The following AFF4 variants were observed in gnomAD, a reference collection of about 807,000 sequenced individuals.
AFF4 encodes AF4/FMR2 family member 4.
AFF4 carries 13 observed loss-of-function variants against 124.8 expected under a neutral mutation model. That is an observed-to-expected ratio of 0.10 (90% CI 0.07 to 0.17). AFF4 has a LOEUF of 0.17. Among genes scored for constraint, AFF4 ranks in the 10% least tolerant of loss-of-function variants. AFF4 has a pLI of 1.00. For synonymous variants in AFF4, 477 were observed against 496.1 expected (o/e 0.96, Z 0.51); for missense variants, 1,092 against 1,403.8 (o/e 0.78, Z 3.55).
chr5:132,886,492 G>A (rs971412608), intron 17 of AFF4, 89 bp from the exon 18 acceptor site: 21 of 1,180,392 alleles, frequency 1.8e-5, no homozygotes, highest in Non-Finnish European at 2.6e-5. Context: ...GCAGGAGACT[G>A]GCTCATGTGA....
chr5:132,947,129 C>T lies in AFF4; in HGVS notation c.-4-9936G>A, dbSNP rs535691151. ...TTTTAAAAAATTTAAAACAACCGAG[C>T]GTTGTGGCTGGCATCTGTAATCCCA... On this transcript the variant is annotated intron_variant, in intron 1 of 20. Coordinates refer to ENST00000265343, the MANE Select transcript of AFF4 (RefSeq NM_014423.4). Among the ~76,000 whole-genome samples the T allele has an allele frequency of 4.8e-4, 73 of 152,132 alleles. 1 individual carries two copies. The highest frequency in any genetic ancestry group is 2.2e-4 in the Non-Finnish European group (15 of 68,032).
chr5:132,925,208 A>G (rs970103927), intron 5 of AFF4, among the ~76,000 whole-genome samples: 1 of 151,614 alleles, frequency 6.6e-6, no homozygotes, highest in African/African-American at 2.4e-5. Context: ...TAAATAAATA[A>G]ATACCGGTGC....
At chr5:132,946,047 C>A (rs1438297054) in intron 1 of AFF4, among the ~76,000 whole-genome samples, 1 of 152,020 alleles carries the variant, frequency 6.6e-6, no homozygotes, top group African/African-American at 2.4e-5. Flanking sequence ...GCAACAAGAG[C>A]AAAACTCTGT....
chr5:132,896,405 T>C lies in AFF4; in HGVS notation c.2225A>G (p.Lys742Arg), dbSNP rs1760398045. The change falls in exon 11 of 21, where the codon AAA (lysine) becomes AGA (arginine). Residue 742 changes from lysine to arginine, a missense_variant. Lys to Arg is a conservative substitution (Grantham distance 26). Coordinates refer to ENST00000265343, the MANE Select transcript of AFF4 (RefSeq NM_014423.4). ...KETEPPKGEK[K>R]NVPEKHTREA... is the part of the protein sequence containing the mutation. ...TCTCGTGTGCTTTTCTGGCACATTT[T>C]TCTTTTCCCCCTTGGGCGGCTCTGT... The C allele has an allele frequency of 1.2e-6, 2 of 1,613,862 alleles. No homozygotes were observed. The highest frequency in any genetic ancestry group is 1.7e-6 in the Non-Finnish European group (2 of 1,180,008).
In AFF4 at chr5:132,896,615, T is replaced by C. The variant is rs959176441; in HGVS notation, c.2015A>G (p.Asn672Ser). Residue 672 changes from asparagine (N) to serine (S), a missense_variant, in exon 11 of 21, where the codon AAT becomes AGT. Physicochemically the swap from Asn to Ser is conservative, Grantham distance 46. Coordinates refer to ENST00000265343, the MANE Select transcript of AFF4 (RefSeq NM_014423.4). ...SSQTPKYPESNRTPVKPSSVE... is the reference protein window; with the variant it reads ...SSQTPKYPESSRTPVKPSSVE... ...TGAGGAGGGTTTAACAGGAGTCCTA[T>C]TGCTCTCGGGGTACTTAGGAGTTTG... is the stretch of plus-strand genomic sequence containing the variant. The C allele has an allele frequency of 2.5e-6, 4 of 1,614,026 alleles. No homozygotes were observed. In the African/African-American group the frequency reaches 5.3e-5, roughly 22 times the overall value.
At chr5:132,926,958 T>C in intron 5 of AFF4, 163 bp downstream of exon 5, 1 of 584,444 alleles carries the variant, frequency 1.7e-6, no homozygotes, top group African/African-American at 1.9e-5. Context: ...CTGCTAATTA[T>C]CTTCATAACA....
intron 5 of AFF4, among the ~76,000 whole-genome samples, chr5:132,913,882 G>T (rs1393894639): frequency 6.6e-6 from 1 of 152,122 alleles, no homozygotes; most frequent in African/African-American, 2.4e-5. Flanking sequence ...CAGAAAATAT[G>T]CAGAAAATCT....
In AFF4 at chr5:132,878,313, C is replaced by CATACAA. The variant is rs2150059194; in HGVS notation, c.*2740_*2745dup. The CATACAA allele has an allele frequency of 4.3e-6, 1 of 230,530 alleles. No individual in the cohort carries two copies. The highest frequency in any genetic ancestry group is 1.8e-4 in the South Asian group (1 of 5,504). 14.3% of individuals were successfully genotyped at this position (230,530 alleles called of 1,614,324 possible). On this transcript the variant is annotated 3_prime_UTR_variant, in exon 21 of 21. Transcript: ENST00000265343. ...TGGTGTATAGGCTGCTGCCTCCTGGCATACAAGTGTAGTCATAAAGAGCAG... is the reference window on the plus strand; with the variant it reads ...TGGTGTATAGGCTGCTGCCTCCTGGCATACAAATACAAGTGTAGTCATAAAGAGCAG...
rs1052817563 is a variant in AFF4, at chr5:132,877,439, T to C, written c.*3620A>G. On this transcript the variant is annotated 3_prime_UTR_variant, in exon 21 of 21. Coordinates refer to ENST00000265343, the MANE Select transcript of AFF4 (RefSeq NM_014423.4). ...AACAAGAAAGTGTCTTAGATCAATT[T>C]AATAAATAATGTGGAAATAGTTGCA... 4.2e-5 allele frequency: 9 copies of C among 215,866 alleles called. No homozygotes were observed. Among genetic ancestry groups the C allele is most frequent in the Non-Finnish European group, 8.4e-5 (9 of 107,036 alleles). 13.4% of individuals were successfully genotyped at this position (215,866 alleles called of 1,614,324 possible).
intron 5 of AFF4, among the ~76,000 whole-genome samples, chr5:132,921,213 AC>A (rs1761036428): frequency 6.6e-6 from 1 of 152,034 alleles, no homozygotes; most frequent in African/African-American, 2.4e-5. Flanking sequence ...ATATTCAGAC[AC>A]TGCACCAAAG....
chr5:132,897,299 C>T, intron 10 of AFF4, 59 bp from the exon 11 acceptor site: 1 of 1,542,460 alleles, frequency 6.5e-7, no homozygotes, highest in Non-Finnish European at 8.8e-7. Context: ...TTCGTTCTCC[C>T]TCCTTTACAA....
chr5:132,940,974 C>G (rs1032259126), intron 1 of AFF4, among the ~76,000 whole-genome samples: 1 of 151,472 alleles, frequency 6.6e-6, no homozygotes, highest in African/African-American at 2.4e-5. Context: ...TTGCAGTGAG[C>G]TGAGATTGCA....
Position 132,921,803 on chromosome 5 carries a change from G to C in AFF4, c.1050+5318C>G, listed in dbSNP as rs887353838. On this transcript the variant is annotated intron_variant, in intron 5 of 20. Transcript: ENST00000265343. ...TCTAATTTTTTCTTTCCCCCCCAGA[G>C]AGAGTCAGTCTCTGTGACCCAGGCT... is the stretch of plus-strand genomic sequence containing the variant. 2.0e-5 allele frequency among the ~76,000 whole-genome samples: 3 copies of C among 151,884 alleles called. No individual in the cohort carries two copies. In the East Asian group the frequency reaches 5.8e-4, roughly 29 times the overall value.
intron 1 of AFF4, 66 bp downstream of exon 1, chr5:132,963,193 A>C: frequency 5.2e-6 from 2 of 384,648 alleles, no homozygotes; most frequent in Non-Finnish European, 4.6e-6. Context: ...CCCCACCCCC[A>C]CCCGGCCCCG....
At chr5:132,952,488 C>T (rs900297008) in intron 1 of AFF4, among the ~76,000 whole-genome samples, 3 of 152,244 alleles carry the variant, frequency 2.0e-5, no homozygotes, top group Non-Finnish European at 4.4e-5. Flanking sequence ...GTTCCTCTGG[C>T]TCTTCCCATC....
chr5:132,903,975 A>G (rs535451834), intron 6 of AFF4: 3 of 162,148 alleles, frequency 1.9e-5, no homozygotes, highest in African/African-American at 7.2e-5. Flanking sequence ...AAATTAGGAT[A>G]CGAGGGCATG....
At chr5:132,945,859 G>C (rs1198595763) in intron 1 of AFF4, among the ~76,000 whole-genome samples, 1 of 152,090 alleles carries the variant, frequency 6.6e-6, no homozygotes, top group Non-Finnish European at 1.5e-5. Flanking sequence ...TCAGGAGTTT[G>C]AGACTAGCCT....
intron 6 of AFF4, 126 bp from the exon 7 acceptor site, chr5:132,902,613 G>C: frequency 1.3e-6 from 1 of 740,968 alleles, no homozygotes; most frequent in South Asian, 1.6e-5. Flanking sequence ...CACCAAACTG[G>C]TAACACCTTC....
At chr5:132,889,855 A>T (rs1760210475) in intron 13 of AFF4, among the ~76,000 whole-genome samples, 1 of 151,982 alleles carries the variant, frequency 6.6e-6, no homozygotes. Flanking sequence ...GGTTGATCTT[A>T]AACTCCTAGG....
Sources: allele counts gnomAD v4.1 joint callset (sites outside exome capture counted in the v4.1 genomes callset), GRCh38; gene constraint gnomAD v4.1.1; transcripts MANE v1.5; gene names NCBI Gene and HGNC (gene_info 2026-07-23, HGNC 2026-07-21).